The following FANK1 variants were observed in gnomAD, a reference collection of about 807,000 sequenced individuals.
FANK1 encodes fibronectin type 3 and ankyrin repeat domains protein 1.
A neutral mutation model predicts 45.3 loss-of-function variants in FANK1; 44 were observed. The ratio of observed to expected loss-of-function variants is 0.97; its 90% CI spans 0.76 to 1.25. The LOEUF is 1.25. Ranked by LOEUF, FANK1 falls within the 50% of genes most tolerant of loss-of-function variation. The pLI, the probability that FANK1 is intolerant of heterozygous loss-of-function variation, is 0.00. For missense variants in FANK1, 391 were observed against 424.4 expected, an observed-to-expected ratio of 0.92 and a Z score of 0.69; for synonymous variants, 149 against 152.5, an observed-to-expected ratio of 0.98 and a Z score of 0.17.
At chr10:125,912,137 A>G (rs1946062616) in intron 1 of FANK1, among the ~76,000 whole-genome samples, 1 of 152,164 alleles carries the variant, frequency 6.6e-6, no homozygotes, top group Non-Finnish European at 1.5e-5. Context: ...CAACAAACAC[A>G]CAGCACGTGT....
At chr10:125,996,467 C>G (rs1381193309) in intron 4 of FANK1, 83 bp from the exon 5 acceptor site, 34 of 1,307,466 alleles carry the variant, frequency 2.6e-5, no homozygotes, top group Non-Finnish European at 3.4e-5. Flanking sequence ...ATTTTACCCA[C>G]CTAAGCCCTG....
At chr10:125,991,095 T>C (rs759454937) in intron 3 of FANK1, among the ~76,000 whole-genome samples, 10 of 152,238 alleles carry the variant, frequency 6.6e-5, no homozygotes, top group Non-Finnish European at 1.2e-4. Flanking sequence ...TATATCAGGC[T>C]GTGCCTGTGG....
At chr10:125,953,193 C>A (rs1949364424) in intron 1 of FANK1, among the ~76,000 whole-genome samples, 1 of 152,312 alleles carries the variant, frequency 6.6e-6, no homozygotes, top group East Asian at 1.9e-4. Context: ...GCTTTGAAAA[C>A]CACTTGGCCC....
intron 1 of FANK1, among the ~76,000 whole-genome samples, chr10:125,908,347 C>T (rs1217068750): frequency 6.6e-6 from 1 of 152,126 alleles, no homozygotes; most frequent in Non-Finnish European, 1.5e-5. Context: ...AATATGGAAT[C>T]AGTTCAAATG....
chr10:125,974,261 C>A (rs1950709986), intron 1 of FANK1, among the ~76,000 whole-genome samples: 1 of 152,338 alleles, frequency 6.6e-6, no homozygotes, highest in Non-Finnish European at 1.5e-5. Flanking sequence ...GTGTGCCCCA[C>A]TGGCCTGGGG....
chr10:125,989,439 G>A (rs540022065), intron 3 of FANK1: 3 of 1,361,862 alleles, frequency 2.2e-6, no homozygotes, highest in African/African-American at 1.4e-5. Flanking sequence ...GGTAGCATTT[G>A]GCTTGGAGGT....
chr10:125,981,448 G>C (rs1310872531), intron 2 of FANK1, among the ~76,000 whole-genome samples: 1 of 146,268 alleles, frequency 6.8e-6, no homozygotes, highest in Non-Finnish European at 1.5e-5. Context: ...AGTGAGCCAT[G>C]ATTGTGCCAC....
intron 1 of FANK1, among the ~76,000 whole-genome samples, chr10:125,933,609 T>C (rs542180079): frequency 6.6e-6 from 1 of 152,302 alleles, no homozygotes; most frequent in South Asian, 2.1e-4. Context: ...TGTTTCGTCT[T>C]TTTTGTTTGT....
At chr10:126,003,108 A>ATTTT (rs5788756) in intron 6 of FANK1, among the ~76,000 whole-genome samples, 1 of 144,858 alleles carries the variant, frequency 6.9e-6, no homozygotes. Flanking sequence ...CTCTCTTTAA[A>ATTTT]TTTTTTTTTT....
At chr10:126,002,686 T>C (rs1564970061) in intron 6 of FANK1, among the ~76,000 whole-genome samples, 2 of 151,548 alleles carry the variant, frequency 1.3e-5, no homozygotes, top group Non-Finnish European at 2.9e-5. Flanking sequence ...TTAGAAAAAA[T>C]GAAAGAATAG....
chr10:125,963,313 T>C (rs1950032942), intron 1 of FANK1, among the ~76,000 whole-genome samples: 1 of 152,198 alleles, frequency 6.6e-6, no homozygotes, highest in South Asian at 2.1e-4. Flanking sequence ...GTAAACTAGT[T>C]CAACCATTGT....
intron 1 of FANK1, among the ~76,000 whole-genome samples, chr10:125,915,089 T>A (rs1476428535): frequency 6.6e-6 from 1 of 152,102 alleles, no homozygotes; most frequent in Non-Finnish European, 1.5e-5. Context: ...CAGCTACAAC[T>A]CCACACTCCT....
intron 1 of FANK1, among the ~76,000 whole-genome samples, chr10:125,912,513 GAA>G (rs1564862352): frequency 2.6e-5 from 4 of 151,640 alleles, no homozygotes. Flanking sequence ...TTTAGGGAAA[GAA>G]ACAGCTCTCT....
intron 1 of FANK1, among the ~76,000 whole-genome samples, chr10:125,949,931 G>A (rs1474767853): frequency 7.2e-6 from 1 of 138,704 alleles, no homozygotes; most frequent in Non-Finnish European, 1.6e-5. Context: ...TAGATCAATG[G>A]AACAGAACAG....
At chr10:125,941,010 T>G (rs1205407975) in intron 1 of FANK1, among the ~76,000 whole-genome samples, 1 of 152,218 alleles carries the variant, frequency 6.6e-6, no homozygotes, top group East Asian at 1.9e-4. Flanking sequence ...CAGATCAAAA[T>G]GCAGTTTCTT....
intron 1 of FANK1, 59 bp from the exon 2 acceptor site, chr10:125,980,102 C>G: frequency 6.4e-7 from 1 of 1,551,918 alleles, no homozygotes; most frequent in Non-Finnish European, 8.7e-7. Flanking sequence ...ATCCACTCGA[C>G]TGGTCTCTCT....
At chr10:125,945,610 A>G (rs1016502655) in intron 1 of FANK1, among the ~76,000 whole-genome samples, 3 of 152,156 alleles carry the variant, frequency 2.0e-5, no homozygotes, top group African/African-American at 7.2e-5. Context: ...ACGCCCACGG[A>G]ATCTCGCTGA....
At chr10:125,913,491 A>G (rs1173158077) in intron 1 of FANK1, among the ~76,000 whole-genome samples, 1 of 152,210 alleles carries the variant, frequency 6.6e-6, no homozygotes, top group South Asian at 2.1e-4. Context: ...TTGATTACAG[A>G]TAACTTCAGT....
intron 1 of FANK1, among the ~76,000 whole-genome samples, chr10:125,974,442 G>C (rs1451334589): frequency 1.3e-5 from 2 of 152,198 alleles, no homozygotes; most frequent in African/African-American, 4.8e-5. Flanking sequence ...TGAGGCTCAA[G>C]AAGGATTGAG....
Sources: allele counts gnomAD v4.1 joint callset (sites outside exome capture counted in the v4.1 genomes callset), GRCh38; gene constraint gnomAD v4.1.1; transcripts MANE v1.5; gene names NCBI Gene and HGNC (gene_info 2026-07-23, HGNC 2026-07-21).